DLGAP4: variants seen among roughly 807,000 people sequenced by gnomAD.
DLGAP4 encodes DLG associated protein 4.
Under a neutral mutation model 86.9 loss-of-function variants are expected in DLGAP4, and 18 were observed. That is an observed-to-expected ratio of 0.21 (90% CI 0.14 to 0.31). The LOEUF (loss-of-function observed/expected upper bound fraction) is 0.31, where lower values mean the gene tolerates loss of function less well. DLGAP4 is among the 10% of genes least tolerant of loss of function. DLGAP4 has a pLI of 1.00. For synonymous variants in DLGAP4, 548 were observed against 574.3 expected (o/e 0.95, Z 0.65); for missense variants, 1,085 against 1,362.6 (o/e 0.80, Z 3.21).
Position 36,429,398 on chromosome 20 carries a change from CTTTT to C in DLGAP4, c.-72-2227_-72-2224del, listed in dbSNP as rs151254062. ...CTGGCCCATTCCTGTTTCTTTTTTT[CTTTT>C]TTTTTTTTTTTTTTTTTTTTGAGAC... On this transcript the variant is annotated intron_variant, in intron 2 of 12. Coordinates refer to ENST00000339266, the MANE Select transcript of DLGAP4 (RefSeq NM_001365621.2). Among the ~76,000 whole-genome samples the C allele has an allele frequency of 8.9e-4, 68 of 76,046 alleles. No homozygotes were observed. In the East Asian group the frequency reaches 0.013, roughly 14 times the overall value. 49.9% of individuals were successfully genotyped at this position (76,046 alleles called of 152,430 possible).
intron 7 of DLGAP4, among the ~76,000 whole-genome samples, chr20:36,448,919 G>C (rs574202668): frequency 3.9e-5 from 6 of 152,098 alleles, no homozygotes; most frequent in Admixed American, 3.9e-4. Context: ...GGGTGACAGA[G>C]CAAGACCTTG....
intron 1 of DLGAP4, among the ~76,000 whole-genome samples, chr20:36,319,472 C>T (rs1408829120): frequency 1.3e-5 from 2 of 152,168 alleles, no homozygotes; most frequent in Non-Finnish European, 2.9e-5. Flanking sequence ...TCTCCTGACA[C>T]CCGCACACCC....
intron 2 of DLGAP4, among the ~76,000 whole-genome samples, chr20:36,426,235 G>A (rs536746205): frequency 3.9e-5 from 6 of 152,236 alleles, no homozygotes; most frequent in East Asian, 3.9e-4. Flanking sequence ...ACTAGGGGCC[G>A]CCAGGCATAG....
chr20:36,513,404 C>T lies in DLGAP4; in HGVS notation c.2513-10846C>T, dbSNP rs187637053. ...TCTACTAAAAATACAAAAAATTAGC[C>T]GGGCGCGGTGGCGGGCGCCTGTAGT... On this transcript the variant is annotated intron_variant, in intron 10 of 12. Coordinates refer to ENST00000339266, the MANE Select transcript of DLGAP4 (RefSeq NM_001365621.2). Among the ~76,000 whole-genome samples the T allele has an allele frequency of 2.1e-4, 32 of 150,372 alleles. 1 individual carries two copies. The highest frequency in any genetic ancestry group is 6.6e-4 in the African/African-American group (27 of 40,986).
intron 5 of DLGAP4, among the ~76,000 whole-genome samples, chr20:36,441,722 T>TGTCTCC (rs1051220370): frequency 2.6e-5 from 4 of 151,762 alleles, no homozygotes; most frequent in African/African-American, 4.9e-5. Context: ...TGTCTGTGTC[T>TGTCTCC]GTCTCCGTCT....
intron 10 of DLGAP4, among the ~76,000 whole-genome samples, chr20:36,503,581 A>G (rs1004249412): frequency 7.2e-6 from 1 of 137,938 alleles, no homozygotes; most frequent in Non-Finnish European, 1.5e-5. Context: ...TCCGCCTCCT[A>G]GGTTCACGCC....
At chr20:36,507,392 T>A (rs911686857) in intron 10 of DLGAP4, among the ~76,000 whole-genome samples, 1 of 152,050 alleles carries the variant, frequency 6.6e-6, no homozygotes, top group Non-Finnish European at 1.5e-5. Context: ...CACGTCCAGC[T>A]AATTTTTGTA....
At chr20:36,307,535 G>A (rs2065015999) in intron 1 of DLGAP4, among the ~76,000 whole-genome samples, 1 of 152,238 alleles carries the variant, frequency 6.6e-6, no homozygotes, top group African/African-American at 2.4e-5. Context: ...TGGGGGAGGG[G>A]TTGTGATTGG....
chr20:36,332,769 G>A (rs1352243030), intron 1 of DLGAP4, among the ~76,000 whole-genome samples: 2 of 152,196 alleles, frequency 1.3e-5, no homozygotes, highest in African/African-American at 4.8e-5. Flanking sequence ...AGCTGGGCCT[G>A]CCTGGGTCTC....
chr20:36,343,360 C>A (rs6071459), intron 1 of DLGAP4, among the ~76,000 whole-genome samples: 37,990 of 151,998 alleles, frequency 0.25, 5,258 homozygotes, highest in Non-Finnish European at 0.31. Flanking sequence ...TGGGTAGTGA[C>A]CAATTTTAAT....
chr20:36,368,496 C>T (rs1158295274), intron 2 of DLGAP4, among the ~76,000 whole-genome samples: 1 of 152,230 alleles, frequency 6.6e-6, no homozygotes, highest in East Asian at 1.9e-4. Context: ...TGGGGTGGCG[C>T]CAGCCTTATT....
intron 2 of DLGAP4, among the ~76,000 whole-genome samples, chr20:36,392,003 A>C (rs1436705896): frequency 6.6e-6 from 1 of 151,458 alleles, no homozygotes; most frequent in South Asian, 2.1e-4. Flanking sequence ...GTATCCTTAA[A>C]CTCGCCCTGA....
chr20:36,452,569 G>A (rs892502251), intron 7 of DLGAP4, among the ~76,000 whole-genome samples: 3 of 149,374 alleles, frequency 2.0e-5, no homozygotes, highest in African/African-American at 7.4e-5. Context: ...AGGCTGAAGT[G>A]CAGGATCTCA....
At chr20:36,501,195 A>G (rs1485951841) in intron 10 of DLGAP4, among the ~76,000 whole-genome samples, 1 of 151,410 alleles carries the variant, frequency 6.6e-6, no homozygotes. Context: ...CCTCCTGAGT[A>G]GCTGGGACTA....
intron 7 of DLGAP4, among the ~76,000 whole-genome samples, chr20:36,466,642 C>T (rs986919417): frequency 1.3e-5 from 2 of 152,226 alleles, no homozygotes; most frequent in Non-Finnish European, 2.9e-5. Context: ...CAGACCCACC[C>T]ATTCTTAGAA....
At position 36,436,189 on chromosome 20, in the gene DLGAP4, G is replaced by C. The variant is rs772599289; in HGVS notation, c.1080G>C (p.Pro360=). The C allele has an allele frequency of 1.7e-5, 28 of 1,601,794 alleles. No individual in the cohort carries two copies. The highest frequency in any genetic ancestry group is 2.3e-5 in the Non-Finnish European group (27 of 1,178,854). The change falls in exon 4 of 13, where the codon CCG becomes CCC. Residue 360 remains proline, a synonymous_variant. Coordinates refer to ENST00000339266, the MANE Select transcript of DLGAP4 (RefSeq NM_001365621.2). ...ATGCCGCGGCCGAGGGCCCTATCCC[G>C]TGCCGGCGCATGCGCAGCGGCAGCT... ...ETDAAAEGPI[P]CRRMRSGSYI... is the part of the protein sequence containing the mutation.
At chr20:36,317,626 A>C (rs2065122552) in intron 1 of DLGAP4, among the ~76,000 whole-genome samples, 1 of 151,050 alleles carries the variant, frequency 6.6e-6, no homozygotes, top group Admixed American at 6.6e-5. Flanking sequence ...GCTAATTAAA[A>C]AAAAAAAAAA....
chr20:36,477,044 C>T (rs2034976006), intron 7 of DLGAP4, among the ~76,000 whole-genome samples: 1 of 151,406 alleles, frequency 6.6e-6, no homozygotes. Flanking sequence ...GAGGGGAATG[C>T]TCTGAATAAT....
chr20:36,317,273 TTCTTA>T (rs1457042743), intron 1 of DLGAP4, among the ~76,000 whole-genome samples: 146 of 9,864 alleles, frequency 0.015, no homozygotes, highest in Non-Finnish European at 0.021. Context: ...CTTTCTTTCT[TTCTTA>T]TCTTTCTTTC....
Sources: gnomAD v4.1 joint callset for allele counts (sites outside exome capture counted in the v4.1 genomes callset) on GRCh38, gnomAD v4.1.1 for gene constraint, MANE v1.5 for transcripts, NCBI Gene and HGNC (gene_info 2026-07-23, HGNC 2026-07-21) for gene names.